PCDHA3: variants seen among roughly 807,000 people sequenced by gnomAD.
The protein encoded by PCDHA3 is protocadherin alpha 3, also known as protocadherin alpha-3.
Under a neutral mutation model 62.2 loss-of-function variants are expected in PCDHA3, and 41 were observed. That is an observed-to-expected ratio of 0.66 (90% CI 0.51 to 0.86). The LOEUF (loss-of-function observed/expected upper bound fraction) is 0.86. PCDHA3 is among the 40% of genes least tolerant of loss of function. The pLI is 0.00. For synonymous variants in PCDHA3, 640 were observed against 555.4 expected (o/e 1.15, Z -2.14); for missense variants, 1,304 against 1,241.2 (o/e 1.05, Z -0.76).
At chr5:140,848,462 T>C in intron 1 of PCDHA3, 1 of 1,542,130 alleles carries the variant, frequency 6.5e-7, no homozygotes, top group Non-Finnish European at 8.8e-7. Flanking sequence ...TTGGAGGCAA[T>C]TTTCACTAAT....
At chr5:140,862,364 C>T in intron 1 of PCDHA3, 1 of 339,652 alleles carries the variant, frequency 2.9e-6, no homozygotes, top group Non-Finnish European at 5.8e-6. Flanking sequence ...ACAGACGACC[C>T]GCACCCTGAC....
Position 140,871,064 on chromosome 5 carries a change from G to A in PCDHA3, c.2394+67473G>A, listed in dbSNP as rs369373152. The A allele has an allele frequency of 5.6e-6, 9 of 1,613,116 alleles. No individual in the cohort carries two copies. Among genetic ancestry groups the A allele is most frequent in the Middle Eastern group, 1.6e-4 (1 of 6,084 alleles). ...CTTCTAGTACTGGTGAAGGATCACG[G>A]TGAGCCGGCGCTGACGGCCACGGCC... On this transcript the variant is annotated intron_variant, in intron 1 of 3. Coordinates refer to ENST00000522353, the MANE Select transcript of PCDHA3 (RefSeq NM_018906.3).
At chr5:140,873,973 T>C (rs1255024393) in intron 1 of PCDHA3, among the ~76,000 whole-genome samples, 2 of 152,224 alleles carry the variant, frequency 1.3e-5, no homozygotes. Flanking sequence ...TTTTTTAAAA[T>C]TAAAGTTCCT....
At chr5:140,901,235 T>A (rs1554189665) in intron 1 of PCDHA3, among the ~76,000 whole-genome samples, 1 of 152,174 alleles carries the variant, frequency 6.6e-6, no homozygotes, top group African/African-American at 2.4e-5. Context: ...TATATCCATT[T>A]TTTTCCTTTG....
rs782444555 is a variant in PCDHA3, at chr5:140,883,708, G to C, written c.2394+80117G>C. 1.2e-6 allele frequency: 2 copies of C among 1,613,664 alleles called. No homozygotes were observed. The highest frequency in any genetic ancestry group is 1.7e-6 in the Non-Finnish European group (2 of 1,179,838). On this transcript the variant is annotated intron_variant, in intron 1 of 3. Coordinates refer to ENST00000522353, the MANE Select transcript of PCDHA3 (RefSeq NM_018906.3). ...GCCACATCTTCACGGTGTCTGCTCA[G>C]GACGCGGACGCACAGGAGAACGCGC...
intron 1 of PCDHA3, chr5:140,869,801 T>C: frequency 6.2e-7 from 1 of 1,612,816 alleles, no homozygotes; most frequent in African/African-American, 1.3e-5. Flanking sequence ...GTCCAAGTCT[T>C]GGATGTCAAC....
At chr5:140,835,655 G>A (rs1554135164) in intron 1 of PCDHA3, 2 of 1,613,800 alleles carry the variant, frequency 1.2e-6, no homozygotes, top group Non-Finnish European at 8.5e-7. Context: ...ATGAGCTGGT[G>A]GTTACCGCGC....
At chr5:140,870,671 A>T in intron 1 of PCDHA3, 1 of 1,612,606 alleles carries the variant, frequency 6.2e-7, no homozygotes, top group Non-Finnish European at 8.5e-7. Context: ...CAGCCGTTGG[A>T]CCACGAGGAG....
intron 1 of PCDHA3, chr5:140,841,776 T>C (rs2150322536): frequency 6.2e-7 from 1 of 1,613,906 alleles, no homozygotes; most frequent in Admixed American, 1.7e-5. Flanking sequence ...GACTCTCGGT[T>C]TCCGCTAGAG....
rs1554122216 is a variant in PCDHA3, at chr5:140,802,566, C to G, written c.1369C>G (p.Gln457Glu). Residue 457 changes from glutamine (Q) to glutamate (E), a missense_variant, in exon 1 of 4, where the codon CAG becomes GAG. Physicochemically the swap from Gln to Glu is conservative, Grantham distance 29 (BLOSUM62 2). Coordinates refer to ENST00000522353, the MANE Select transcript of PCDHA3 (RefSeq NM_018906.3). Reference protein sequence around the residue: ...DVNDNAPAFSQSEYTVFVKEN... With the variant: ...DVNDNAPAFSESEYTVFVKEN... Reference sequence around the variant, plus strand: ...GAACGACAATGCGCCGGCATTCTCGCAGTCCGAGTACACGGTGTTCGTGAA... The same window carrying G: ...GAACGACAATGCGCCGGCATTCTCGGAGTCCGAGTACACGGTGTTCGTGAA... 1 of 1,613,820 alleles carries G rather than the reference C, an allele frequency of 6.2e-7. No homozygotes were observed. The highest frequency in any genetic ancestry group is 1.7e-5 in the Admixed American group (1 of 60,002).
chr5:140,807,213 A>C, intron 1 of PCDHA3: 2 of 1,613,976 alleles, frequency 1.2e-6, no homozygotes, highest in Non-Finnish European at 1.7e-6. Flanking sequence ...GGAAGCGGCC[A>C]GGAATCCCGG....
chr5:140,962,791 T>G (rs998586099), intron 1 of PCDHA3, among the ~76,000 whole-genome samples: 19 of 152,252 alleles, frequency 1.2e-4, no homozygotes, highest in Admixed American at 1.1e-3. Context: ...TAAAAACTAC[T>G]TTGGACAACT....
chr5:140,862,757 GC>G (rs1554156930), intron 1 of PCDHA3: 4 of 579,248 alleles, frequency 6.9e-6, no homozygotes, highest in African/African-American at 1.9e-5. Flanking sequence ...GCGGAGAGCG[GC>G]AAGAGGTACG....
At chr5:140,846,834 G>C (rs1780700950) in intron 1 of PCDHA3, among the ~76,000 whole-genome samples, 1 of 149,596 alleles carries the variant, frequency 6.7e-6, no homozygotes, top group Non-Finnish European at 1.5e-5. Flanking sequence ...AAGAATATGA[G>C]TCACACAATG....
At chr5:140,877,468 C>T in intron 1 of PCDHA3, 1 of 1,613,808 alleles carries the variant, frequency 6.2e-7, no homozygotes, top group Non-Finnish European at 8.5e-7. Context: ...GGCCACGGTG[C>T]TGGTGTCGCT....
chr5:140,871,141 C>T (rs1431247385), intron 1 of PCDHA3: 1 of 1,613,320 alleles, frequency 6.2e-7, no homozygotes, highest in Admixed American at 1.7e-5. Context: ...GGCCTCTTCC[C>T]GGACTTTGGC....
intron 1 of PCDHA3, among the ~76,000 whole-genome samples, chr5:140,925,907 C>T (rs937426015): frequency 6.6e-6 from 1 of 151,848 alleles, no homozygotes; most frequent in African/African-American, 2.4e-5. Flanking sequence ...TCGTCAAGGG[C>T]CGTTTGCAAA....
chr5:140,836,668 A>G (rs1404155432), intron 1 of PCDHA3: 5 of 1,613,218 alleles, frequency 3.1e-6, no homozygotes, highest in East Asian at 4.5e-5. Context: ...TGCTCTGGGG[A>G]GGGCCCACCC....
At chr5:140,969,470 T>G in intron 1 of PCDHA3, 1 of 1,483,706 alleles carries the variant, frequency 6.7e-7, no homozygotes, top group African/African-American at 1.4e-5. Context: ...TATCCACAAT[T>G]TGATCATAAT....
Sources: gnomAD v4.1 joint callset for allele counts (sites outside exome capture counted in the v4.1 genomes callset) on GRCh38, gnomAD v4.1.1 for gene constraint, MANE v1.5 for transcripts, NCBI Gene and HGNC (gene_info 2026-07-23, HGNC 2026-07-21) for gene names.